RAD51AP2: variants seen among roughly 807,000 people sequenced by gnomAD.
The protein encoded by RAD51AP2 is RAD51 associated protein 2.
RAD51AP2 carries 67 observed loss-of-function variants against 85.5 expected under a neutral mutation model. That is an observed-to-expected ratio of 0.78 (90% CI 0.64 to 0.96). The LOEUF is 0.96. Among genes scored for constraint, RAD51AP2 ranks in the 40% least tolerant of loss-of-function variants. The probability of loss-of-function intolerance (pLI) is 0.00; values close to 1 mark genes in which losing one functional copy is unlikely to be tolerated. For missense variants in RAD51AP2, 1,307 were observed against 1,332.4 expected (o/e 0.98, Z 0.30); for synonymous variants, 474 against 446.5 (o/e 1.06, Z -0.78).
At chr2:17,514,171 C>T (rs989018455) in intron 1 of RAD51AP2, 79 bp from the exon 2 acceptor site, 3 of 844,952 alleles carry the variant, frequency 3.6e-6, no homozygotes, top group Admixed American at 5.0e-5. Flanking sequence ...ATTATATTTT[C>T]AGAAATATTT....
Position 17,515,505 on chromosome 2 carries a change from C to T in RAD51AP2, c.2911G>A (p.Val971Ile), listed in dbSNP as rs755824812. ...DFEMKRKFDL[V>I]LEELRMFHEI... ...TGAAACATACGAAGTTCTTCAAGTA[C>T]TAAGTCAAATTTTCTCTTCATCTCA... Residue 971 changes from valine (V) to isoleucine (I), a missense_variant, in exon 1 of 3, where the codon GTA becomes ATA. Coordinates refer to ENST00000399080, the MANE Select transcript of RAD51AP2 (RefSeq NM_001099218.3). 3 of 1,612,822 alleles carry T rather than the reference C, an allele frequency of 1.9e-6. No homozygotes were observed. The highest frequency in any genetic ancestry group is 1.1e-5 in the South Asian group (1 of 90,688).
chr2:17,516,302 T>C lies in RAD51AP2; in HGVS notation c.2114A>G (p.Glu705Gly). ...DDMDEISLIR[E>G]ITCQNMSCPQ... ...ACAACTCATATTCTGACAAGTAATT[T>C]CTCTTATTAAAGAAATTTCATCCAT... is the stretch of plus-strand genomic sequence containing the variant. The change falls in exon 1 of 3, where the codon GAA (glutamate) becomes GGA (glycine). Residue 705 changes from glutamate to glycine, a missense_variant. By Grantham distance (98) the Glu-to-Gly change is moderately conservative. This residue lies in a region of RAD51AP2 where 668 missense variants were observed against 671.0 expected (regional missense o/e 1.00). Transcript: ENST00000399080. The C allele has an allele frequency of 6.2e-7, 1 of 1,605,990 alleles. No homozygotes were observed. Among genetic ancestry groups the C allele is most frequent in the Non-Finnish European group, 8.5e-7 (1 of 1,177,890 alleles).
upstream of RAD51AP2, among the ~76,000 whole-genome samples, chr2:17,520,130 CAATTGTTTGACTCCAAG>C (rs1662825489): frequency 1.3e-5 from 2 of 152,074 alleles, no homozygotes. Flanking sequence ...TGTAACTCAA[CAATTGTTTGACTCCAAG>C]ATACAGAAAT....
upstream of RAD51AP2, among the ~76,000 whole-genome samples, chr2:17,522,468 G>T (rs563251937): frequency 1.3e-5 from 2 of 151,496 alleles, no homozygotes; most frequent in African/African-American, 4.8e-5. Context: ...AAATTTCTCC[G>T]CATTATTATG....
chr2:17,514,919 T>A (rs1450451653), intron 1 of RAD51AP2, among the ~76,000 whole-genome samples: 2 of 152,082 alleles, frequency 1.3e-5, no homozygotes, highest in African/African-American at 4.8e-5. Context: ...CACCTTTTTT[T>A]TTTTTCTTGG....
the RAD51AP2 span, among the ~76,000 whole-genome samples, chr2:17,523,821 AAGAATACT>A: frequency 1.3e-5 from 2 of 151,932 alleles, no homozygotes; most frequent in Non-Finnish European, 2.9e-5. Flanking sequence ...AATGGATCAA[AAGAATACT>A]CCCTCTATCA....
chr2:17,517,632 A>C lies in RAD51AP2; in HGVS notation c.784T>G (p.Phe262Val). 1 of 1,614,076 alleles carries C rather than the reference A, an allele frequency of 6.2e-7. No individual in the cohort carries two copies. The highest frequency in any genetic ancestry group is 1.1e-5 in the South Asian group (1 of 91,046). ...ATTTTGCTATTTAAGTCCATTGGAA[A>C]CTGAGGGACACTTATTGTGCCGCTA... is the stretch of plus-strand genomic sequence containing the variant. ...RDSGTISVPQ[F>V]PMDLNSKMSS... Residue 262 changes from phenylalanine (F) to valine (V), a missense_variant, in exon 1 of 3, where the codon TTT (phenylalanine) becomes GTT (valine). Coordinates refer to ENST00000399080, the MANE Select transcript of RAD51AP2 (RefSeq NM_001099218.3).
chr2:17,516,903 G>A lies in RAD51AP2; in HGVS notation c.1513C>T (p.Pro505Ser), dbSNP rs1246586210. The change falls in exon 1 of 3, where the codon CCT (proline) becomes TCT (serine). Residue 505 changes from proline to serine, a missense_variant. Physicochemically the swap from Pro to Ser is moderately conservative, Grantham distance 74. This residue lies in a region of RAD51AP2 where 635 missense variants were observed against 643.6 expected (regional missense o/e 0.99). Transcript: ENST00000399080. ...ATTTCTATAATGAAACTTTCAAAAG[G>A]GTTGTTCACATGAAAGACTTTTTGT... Reference protein sequence around the residue: ...TTQKVFHVNNPFESFIIEIFY... With the variant: ...TTQKVFHVNNSFESFIIEIFY... 1.3e-6 allele frequency: 2 copies of A among 1,587,510 alleles called. No individual in the cohort carries two copies.
the RAD51AP2 span, among the ~76,000 whole-genome samples, chr2:17,531,497 T>TA: frequency 6.6e-6 from 1 of 152,294 alleles, no homozygotes; most frequent in African/African-American, 2.4e-5. Context: ...AAACCTGCTC[T>TA]AAAAAATAGT....
chr2:17,521,092 T>C (rs1662846461), upstream of RAD51AP2, among the ~76,000 whole-genome samples: 1 of 152,140 alleles, frequency 6.6e-6, no homozygotes, highest in African/African-American at 2.4e-5. Flanking sequence ...TTATTAATTT[T>C]TGTATCCCCA....
At chr2:17,520,930 C>T (rs1055309711), upstream of RAD51AP2, among the ~76,000 whole-genome samples, 1 of 152,066 alleles carries the variant, frequency 6.6e-6, no homozygotes, top group Non-Finnish European at 1.5e-5. Context: ...CTTCCTCCTC[C>T]CTGCTGTAGC....
chr2:17,515,822 A>G lies in RAD51AP2; in HGVS notation c.2594T>C (p.Phe865Ser), dbSNP rs200764188. The G allele has an allele frequency of 1.2e-4, 188 of 1,608,004 alleles. 1 individual carries two copies. The highest frequency in any genetic ancestry group is 1.4e-4 in the Non-Finnish European group (166 of 1,176,162). The change falls in exon 1 of 3, where the codon TTT becomes TCT. Residue 865 changes from phenylalanine (F) to serine (S), a missense_variant. Around this residue, in one of 3 missense-constraint regions of RAD51AP2, gnomAD observed 668 missense variants for 671.0 expected, o/e 1.00. Coordinates refer to ENST00000399080, the MANE Select transcript of RAD51AP2 (RefSeq NM_001099218.3). ...KIEKEEKDSF[F>S]PMDDMFSVQS... ...TACAGAAAACATGTCATCCATTGGA[A>G]AAAAACTATCTTTCTCTTCCTTTTC...
intron 1 of RAD51AP2, among the ~76,000 whole-genome samples, chr2:17,514,510 C>T (rs528271374): frequency 6.8e-6 from 1 of 147,256 alleles, no homozygotes; most frequent in Admixed American, 6.9e-5. Flanking sequence ...GCTTGTAATC[C>T]TAGCATTTTG....
chr2:17,510,751 C>A lies in RAD51AP2; in HGVS notation c.*53G>T. 7.7e-7 allele frequency: 1 copy of A among 1,296,912 alleles called. No individual in the cohort carries two copies. Among genetic ancestry groups the A allele is most frequent in the Non-Finnish European group, 1.0e-6 (1 of 959,370 alleles). 80.3% of individuals were successfully genotyped at this position (1,296,912 alleles called of 1,614,324 possible). A position where few individuals can be genotyped will look rare whatever the true frequency, so the allele number is the denominator to read the frequency against. ...ACCCCCAAGCTGGAAGAACATATATCCAAAGAAAACAAAACATTTCTAGAT... is the reference window on the plus strand; with the variant it reads ...ACCCCCAAGCTGGAAGAACATATATACAAAGAAAACAAAACATTTCTAGAT... On this transcript the variant is annotated 3_prime_UTR_variant, in exon 3 of 3. Coordinates refer to ENST00000399080, the MANE Select transcript of RAD51AP2 (RefSeq NM_001099218.3).
At chr2:17,522,857 A>T (rs1662885394), upstream of RAD51AP2, among the ~76,000 whole-genome samples, 1 of 151,928 alleles carries the variant, frequency 6.6e-6, no homozygotes, top group African/African-American at 2.4e-5. Flanking sequence ...TGGACATGGC[A>T]AATTTATATA....
chr2:17,537,322 C>T, the RAD51AP2 span, among the ~76,000 whole-genome samples: 3 of 151,910 alleles, frequency 2.0e-5, no homozygotes, highest in East Asian at 1.9e-4. Flanking sequence ...ACCCCTGTCT[C>T]TCTCAGAAAA....
At chr2:17,518,763 A>T (rs1019127815), upstream of RAD51AP2, among the ~76,000 whole-genome samples, 1 of 152,128 alleles carries the variant, frequency 6.6e-6, no homozygotes, top group Non-Finnish European at 1.5e-5. Context: ...ACGAAGGGGA[A>T]AAGTTAGAAC....
At chr2:17,534,491 G>A in the RAD51AP2 span, among the ~76,000 whole-genome samples, 1 of 151,754 alleles carries the variant, frequency 6.6e-6, no homozygotes, top group Non-Finnish European at 1.5e-5. Flanking sequence ...CCCCTACCTA[G>A]TTTTGTCACA....
chr2:17,521,160 C>CA (rs141165862), upstream of RAD51AP2, among the ~76,000 whole-genome samples: 3,564 of 152,212 alleles, frequency 0.023, 54 homozygotes, highest in Middle Eastern at 0.041. Context: ...GGTTAATACT[C>CA]ATTTACCAAC....
Sources: allele counts gnomAD v4.1 joint callset (sites outside exome capture counted in the v4.1 genomes callset), GRCh38; gene constraint gnomAD v4.1.1; regional missense constraint gnomAD v4.1.1; transcripts MANE v1.5; gene names NCBI Gene and HGNC (gene_info 2026-07-23, HGNC 2026-07-21).